Variants in RWDD4 observed in about 807,000 individuals in gnomAD.
RWDD4 encodes the protein RWD domain containing 4.
In RWDD4, 16 loss-of-function variants were observed where a neutral mutation model predicts 30.0. The ratio of observed to expected loss-of-function variants is 0.53; its 90% CI spans 0.36 to 0.81. The LOEUF is 0.81. Among genes scored for constraint, RWDD4 ranks in the 30% least tolerant of loss-of-function variants. The pLI is 0.00. For missense variants in RWDD4, 170 were observed against 223.9 expected (o/e 0.76, Z 1.54); for synonymous variants, 45 against 72.1 (o/e 0.62, Z 1.90).
intron 5 of RWDD4, among the ~76,000 whole-genome samples, chr4:183,648,241 G>C (rs911104717): frequency 9.6e-6 from 1 of 104,386 alleles, no homozygotes; most frequent in Non-Finnish European, 2.2e-5. Flanking sequence ...CGTCTCAAAA[G>C]AAAAAAGAAA....
chr4:183,655,433 C>T lies in RWDD4; in HGVS notation c.105+448G>A, dbSNP rs1267104936. Among the ~76,000 whole-genome samples, 3 of 151,938 alleles carry T rather than the reference C, an allele frequency of 2.0e-5. No individual in the cohort carries two copies. The East Asian group carries it at 5.8e-4, about 29-fold the overall frequency. On this transcript the variant is annotated intron_variant, in intron 2 of 7. Coordinates refer to ENST00000326397, the MANE Select transcript of RWDD4 (RefSeq NM_152682.4). ...AGTAGCTGGGACTACAGGCGCCCGC[C>T]ACCATGCCCGGCTAATTTTTTGTAT...
intron 1 of RWDD4, 193 bp from the exon 2 acceptor site, chr4:183,656,154 C>G (rs947936613): frequency 1.9e-6 from 1 of 514,338 alleles, no homozygotes; most frequent in Non-Finnish European, 3.5e-6. Context: ...CTTTCAAACT[C>G]TGTGTCAGGG....
chr4:183,658,722 G>T (rs1043596837), intron 1 of RWDD4, among the ~76,000 whole-genome samples: 2 of 152,216 alleles, frequency 1.3e-5, no homozygotes, highest in South Asian at 4.1e-4. Context: ...TTGCAAAAAT[G>T]AAAAATGAGG....
At chr4:183,647,765 G>T (rs1733990709) in intron 5 of RWDD4, among the ~76,000 whole-genome samples, 1 of 152,132 alleles carries the variant, frequency 6.6e-6, no homozygotes, top group African/African-American at 2.4e-5. Context: ...GTTGTTTTTA[G>T]AGTTTAATGC....
At chr4:183,641,536 C>T in intron 7 of RWDD4, 68 bp from the exon 8 acceptor site, 1 of 1,203,290 alleles carries the variant, frequency 8.3e-7, no homozygotes, top group Non-Finnish European at 1.2e-6. Context: ...CATGGAGTAT[C>T]AAAATTAAAC....
chr4:183,643,114 T>A (rs1326168440), intron 7 of RWDD4, among the ~76,000 whole-genome samples: 2 of 93,034 alleles, frequency 2.1e-5, no homozygotes, highest in Non-Finnish European at 4.0e-5. Flanking sequence ...AAAATAAAAA[T>A]TAAAAAAAAA....
At chr4:183,654,775 T>A (rs1238649718) in intron 2 of RWDD4, among the ~76,000 whole-genome samples, 1 of 152,216 alleles carries the variant, frequency 6.6e-6, no homozygotes, top group Non-Finnish European at 1.5e-5. Context: ...GTGTAAGGAC[T>A]GTTAAGCTTG....
chr4:183,657,879 C>T (rs1347328416), intron 1 of RWDD4, among the ~76,000 whole-genome samples: 1 of 152,194 alleles, frequency 6.6e-6, no homozygotes, highest in African/African-American at 2.4e-5. Context: ...CCTGGGCCCA[C>T]CACAGAAATT....
intron 1 of RWDD4, among the ~76,000 whole-genome samples, chr4:183,656,860 T>C (rs1355402314): frequency 6.6e-6 from 1 of 152,144 alleles, no homozygotes; most frequent in Non-Finnish European, 1.5e-5. Context: ...ACCCCATCTC[T>C]ACTAAAGACA....
chr4:183,643,148 C>T lies in RWDD4; in HGVS notation c.535-1680G>A, dbSNP rs111781476. ...AAAAAAAAAGAAAACGGGTTAAGGC[C>T]GGGCATGGTGGCTCACACCTGTAAT... is the stretch of plus-strand genomic sequence containing the variant. On this transcript the variant is annotated intron_variant, in intron 7 of 7. Coordinates refer to ENST00000326397, the MANE Select transcript of RWDD4 (RefSeq NM_152682.4). Among the ~76,000 whole-genome samples the T allele has an allele frequency of 4.7e-3, 656 of 139,370 alleles. 9 individuals carry two copies. The highest frequency in any genetic ancestry group is 0.015 in the African/African-American group (579 of 37,876). 91.4% of individuals were successfully genotyped at this position (139,370 alleles called of 152,430 possible).
chr4:183,643,633 C>A (rs1012571434), intron 7 of RWDD4, among the ~76,000 whole-genome samples: 1 of 150,028 alleles, frequency 6.7e-6, no homozygotes, highest in Non-Finnish European at 1.5e-5. Context: ...TATCTTCTTT[C>A]GGGCTGGGCA....
chr4:183,642,829 C>A (rs866139461), intron 7 of RWDD4, among the ~76,000 whole-genome samples: 5 of 148,506 alleles, frequency 3.4e-5, no homozygotes, highest in Non-Finnish European at 1.5e-5. Context: ...GAGGCTGAGG[C>A]GAGTGGATCA....
At chr4:183,653,875 CAGAT>C (rs1734132009) in intron 2 of RWDD4, among the ~76,000 whole-genome samples, 1 of 152,156 alleles carries the variant, frequency 6.6e-6, no homozygotes, top group Non-Finnish European at 1.5e-5. Context: ...TGTCTTCAGA[CAGAT>C]ATTTATATAA....
chr4:183,655,923 A>T lies in RWDD4; in HGVS notation c.63T>A (p.Asp21Glu). The stretch of plus-strand genomic sequence containing the variant: ...CTGGACTTAATTCCCGGAAACTTTC[A>T]TCTCCTTCATAAATAGAGCGTAATG... ...LEALRSIYEG[D>E]ESFRELSPVS... The change falls in exon 2 of 8, where the codon GAT becomes GAA. Residue 21 changes from aspartate (D) to glutamate (E), a missense_variant. Coordinates refer to ENST00000326397, the MANE Select transcript of RWDD4 (RefSeq NM_152682.4). 2 of 1,612,042 alleles carry T rather than the reference A, an allele frequency of 1.2e-6. No homozygotes were observed. Among genetic ancestry groups the T allele is most frequent in the South Asian group, 1.1e-5 (1 of 91,014 alleles).
Position 183,644,148 on chromosome 4 carries a change from C to T in RWDD4, c.534+2203G>A, listed in dbSNP as rs1217807219. On this transcript the variant is annotated intron_variant, in intron 7 of 7. Coordinates refer to ENST00000326397, the MANE Select transcript of RWDD4 (RefSeq NM_152682.4). ...TGCACTAAGAGAGGCAACATTTTGACTAAGAAAATTGCTCATTTTGGAGCA... is the reference window on the plus strand; with the variant it reads ...TGCACTAAGAGAGGCAACATTTTGATTAAGAAAATTGCTCATTTTGGAGCA... Among the ~76,000 whole-genome samples, 4 of 152,134 alleles carry T rather than the reference C, an allele frequency of 2.6e-5. No homozygotes were observed. In the East Asian group the frequency reaches 7.7e-4, roughly 29 times the overall value.
At chr4:183,656,057 A>G in intron 1 of RWDD4, 96 bp from the exon 2 acceptor site, 1 of 788,086 alleles carries the variant, frequency 1.3e-6, no homozygotes, top group Non-Finnish European at 2.1e-6. Context: ...CAACTATGTA[A>G]AAGCTTGACT....
intron 1 of RWDD4, among the ~76,000 whole-genome samples, chr4:183,657,931 C>T (rs747936161): frequency 6.6e-6 from 1 of 152,220 alleles, no homozygotes; most frequent in African/African-American, 2.4e-5. Context: ...CATCTGTTTT[C>T]TAGCAACCAT....
At chr4:183,652,692 C>T (rs1734106586) in intron 2 of RWDD4, among the ~76,000 whole-genome samples, 1 of 151,846 alleles carries the variant, frequency 6.6e-6, no homozygotes, top group Admixed American at 6.6e-5. Flanking sequence ...CGCCTGTAGT[C>T]CCAGCTGCTC....
chr4:183,658,387 A>G (rs767588437), intron 1 of RWDD4, among the ~76,000 whole-genome samples: 11 of 152,192 alleles, frequency 7.2e-5, no homozygotes, highest in Non-Finnish European at 1.5e-4. Flanking sequence ...GCATCTCACA[A>G]GGAAATATTT....
Sources: allele counts gnomAD v4.1 joint callset (sites outside exome capture counted in the v4.1 genomes callset), GRCh38; gene constraint gnomAD v4.1.1; transcripts MANE v1.5; gene names NCBI Gene and HGNC (gene_info 2026-07-23, HGNC 2026-07-21).